The following FAM227B variants were observed in gnomAD, a reference collection of about 807,000 sequenced individuals.
The protein encoded by FAM227B is family with sequence similarity 227 member B, also known as protein FAM227B.
Under a neutral mutation model 73.8 loss-of-function variants are expected in FAM227B, and 88 were observed. The ratio of observed to expected loss-of-function variants is 1.19; its 90% confidence interval spans 1.00 to 1.42. FAM227B has a LOEUF of 1.42. FAM227B is among the 40% of genes most tolerant of loss of function. The pLI, the probability that FAM227B is intolerant of heterozygous loss-of-function variation, is 0.00. For synonymous variants in FAM227B, 210 were observed against 190.5 expected, an observed-to-expected ratio of 1.10 and a Z score of -0.84; for missense variants, 632 against 590.9, an observed-to-expected ratio of 1.07 and a Z score of -0.72.
intron 11 of FAM227B, among the ~76,000 whole-genome samples, chr15:49,456,671 A>G (rs977914489): frequency 6.6e-6 from 1 of 152,116 alleles, no homozygotes; most frequent in Non-Finnish European, 1.5e-5. Context: ...GTTCTTTCTA[A>G]AAAGAGTCAG....
At chr15:49,538,858 T>TGACAACAC (rs2070648680) in intron 10 of FAM227B, among the ~76,000 whole-genome samples, 1 of 152,184 alleles carries the variant, frequency 6.6e-6, no homozygotes, top group African/African-American at 2.4e-5. Flanking sequence ...TTCTATTGTT[T>TGACAACAC]AGTTGTCTAT....
chr15:49,503,026 A>G (rs1331873223), intron 11 of FAM227B, among the ~76,000 whole-genome samples: 3 of 152,194 alleles, frequency 2.0e-5, no homozygotes, highest in African/African-American at 7.2e-5. Context: ...TTCAAACTAT[A>G]CTACAAGGCT....
At chr15:49,559,439 T>C (rs2074053105) in intron 9 of FAM227B, among the ~76,000 whole-genome samples, 1 of 151,952 alleles carries the variant, frequency 6.6e-6, no homozygotes, top group African/African-American at 2.4e-5. Flanking sequence ...ATCAGGTACC[T>C]ACCTACCTGC....
chr15:49,335,493 T>G lies in FAM227B; in HGVS notation c.1275A>C (p.Leu425=). 6.2e-7 allele frequency: 1 copy of G among 1,612,004 alleles called. No homozygotes were observed. The highest frequency in any genetic ancestry group is 8.5e-7 in the Non-Finnish European group (1 of 1,178,128). Residue 425 remains leucine (L), a synonymous_variant, in exon 14 of 16, where the codon CTA becomes CTC. Transcript: ENST00000299338. ...IKLTKIFQEP[L]PAPTYRDVIK... ...TAACATCACGGTATGTTGGAGCAGG[T>G]AGTGTGCTAGGCTTATTATTAAGGA...
chr15:49,352,105 C>G (rs1217026602), intron 13 of FAM227B, among the ~76,000 whole-genome samples: 1 of 152,146 alleles, frequency 6.6e-6, no homozygotes, highest in Non-Finnish European at 1.5e-5. Context: ...GTGGCTCATC[C>G]TCAGCTGTGA....
At chr15:49,477,053 C>CT (rs1023200660) in intron 11 of FAM227B, among the ~76,000 whole-genome samples, 2 of 139,434 alleles carry the variant, frequency 1.4e-5, no homozygotes, top group African/African-American at 5.7e-5. Flanking sequence ...AAGCGAGACT[C>CT]TGTCTCGAAA....
rs1480073138 is a variant in FAM227B, at chr15:49,481,912, AG to A, written c.1012+26298del. ...ATATGTGAGGCAAATGACAAATATTAGCTGGGCTACATTAAATCCCAATGAC... is the reference window on the plus strand; with the variant it reads ...ATATGTGAGGCAAATGACAAATATTACTGGGCTACATTAAATCCCAATGAC... On this transcript the variant is annotated intron_variant, in intron 11 of 15. Coordinates refer to ENST00000299338, the MANE Select transcript of FAM227B (RefSeq NM_152647.3). Among the ~76,000 whole-genome samples the A allele has an allele frequency of 2.6e-5, 4 of 152,304 alleles. No individual in the cohort carries two copies. The South Asian group carries it at 8.3e-4, about 32-fold the overall frequency.
chr15:49,328,839 A>T (rs935805510), intron 15 of FAM227B, 164 bp from the exon 16 acceptor site: 15 of 1,394,384 alleles, frequency 1.1e-5, no homozygotes, highest in Middle Eastern at 2.4e-4. Context: ...GAATATTTGT[A>T]AACCATGTAA....
intron 3 of FAM227B, among the ~76,000 whole-genome samples, chr15:49,590,763 T>G (rs1719420279): frequency 6.6e-6 from 1 of 152,108 alleles, no homozygotes; most frequent in African/African-American, 2.4e-5. Context: ...GCTGACCAAT[T>G]GATCCCCAGA....
At chr15:49,427,466 A>C (rs1292505588) in intron 11 of FAM227B, among the ~76,000 whole-genome samples, 4 of 152,014 alleles carry the variant, frequency 2.6e-5, no homozygotes, top group Non-Finnish European at 5.9e-5. Flanking sequence ...TGATGCCTTA[A>C]ATTTTTTCAA....
intron 11 of FAM227B, among the ~76,000 whole-genome samples, chr15:49,403,026 A>G (rs1338804921): frequency 6.6e-6 from 1 of 152,128 alleles, no homozygotes; most frequent in Non-Finnish European, 1.5e-5. Context: ...TTCTGCATCT[A>G]TTGAGATAAT....
rs1304823596 is a variant in FAM227B at position 49,396,663 on chromosome 15, C to A, written c.1013-25264G>T. Among the ~76,000 whole-genome samples the A allele has an allele frequency of 7.9e-5, 12 of 151,976 alleles. No homozygotes were observed. The South Asian group carries it at 2.5e-3, about 32-fold the overall frequency. Reference sequence around the variant, plus strand: ...AGCTGGAGATCTGAGAACGGGCAGACTGCCTCCTCAAGTGGGTCCCTGACC... The same window carrying A: ...AGCTGGAGATCTGAGAACGGGCAGAATGCCTCCTCAAGTGGGTCCCTGACC... On this transcript the variant is annotated intron_variant, in intron 11 of 15. Coordinates refer to ENST00000299338, the MANE Select transcript of FAM227B (RefSeq NM_152647.3).
chr15:49,614,718 C>T (rs980739392), intron 2 of FAM227B: 5 of 173,654 alleles, frequency 2.9e-5, no homozygotes, highest in Non-Finnish European at 6.2e-5. Flanking sequence ...TATATCTTGA[C>T]AATTAGCCTC....
At chr15:49,432,118 C>T (rs1235623983) in intron 11 of FAM227B, among the ~76,000 whole-genome samples, 4 of 151,570 alleles carry the variant, frequency 2.6e-5, no homozygotes, top group Non-Finnish European at 5.9e-5. Flanking sequence ...TTTCAATATC[C>T]TCAAATATCA....
intron 4 of FAM227B, among the ~76,000 whole-genome samples, chr15:49,588,547 C>A (rs544672066): frequency 2.9e-3 from 111 of 38,048 alleles, no homozygotes; most frequent in South Asian, 9.8e-3. Context: ...ATATTGAGGA[C>A]TATATATATA....
chr15:49,328,387 CAGAT>C lies in FAM227B; in HGVS notation c.*177_*180del. On this transcript the variant is annotated 3_prime_UTR_variant, in exon 16 of 16. Transcript: ENST00000299338. ...ATTAAGAGCCAAGATCATGCTTGGA[CAGAT>C]CTTTTAAGAATAACTTACTGAGATT... is the stretch of plus-strand genomic sequence containing the variant. 1 of 1,429,008 alleles carries C rather than the reference CAGAT, an allele frequency of 7.0e-7. No homozygotes were observed. Among genetic ancestry groups the C allele is most frequent in the South Asian group, 1.6e-5 (1 of 63,346 alleles). 88.5% of individuals were successfully genotyped at this position (1,429,008 alleles called of 1,614,324 possible).
chr15:49,555,697 T>C (rs1041192786), intron 9 of FAM227B, among the ~76,000 whole-genome samples: 2 of 152,222 alleles, frequency 1.3e-5, no homozygotes, highest in African/African-American at 4.8e-5. Context: ...ATAGATTTGG[T>C]CTCTTTACAT....
intron 5 of FAM227B, among the ~76,000 whole-genome samples, chr15:49,586,152 C>T (rs2076148672): frequency 6.6e-6 from 1 of 152,070 alleles, no homozygotes; most frequent in East Asian, 1.9e-4. Context: ...TACAGGGCTA[C>T]AGCCACCCAA....
chr15:49,477,015 C>T (rs930454974), intron 11 of FAM227B, among the ~76,000 whole-genome samples: 1 of 151,562 alleles, frequency 6.6e-6, no homozygotes, highest in African/African-American at 2.4e-5. Flanking sequence ...AGCGGAGATC[C>T]CGCCACTGCA....
Sources: gnomAD v4.1 joint callset for allele counts (sites outside exome capture counted in the v4.1 genomes callset) on GRCh38, gnomAD v4.1.1 for gene constraint, MANE v1.5 for transcripts, NCBI Gene and HGNC (gene_info 2026-07-23, HGNC 2026-07-21) for gene names.